Variants in GABRG3 observed in about 807,000 individuals in gnomAD.
GABRG3 encodes gamma-aminobutyric acid type A receptor subunit gamma3.
GABRG3 carries 25 observed loss-of-function variants against 48.8 expected under a neutral mutation model. The ratio of observed to expected loss-of-function variants is 0.51; its 90% confidence interval spans 0.37 to 0.72. The LOEUF (loss-of-function observed/expected upper bound fraction) is 0.72, where lower values mean the gene tolerates loss of function less well. GABRG3 is among the 30% of genes least tolerant of loss of function. The pLI is 0.00. For synonymous variants in GABRG3, 227 were observed against 217.6 expected (o/e 1.04, Z -0.38); for missense variants, 394 against 577.9 (o/e 0.68, Z 3.26).
intron 3 of GABRG3, among the ~76,000 whole-genome samples, chr15:27,281,153 T>C (rs1418872844): frequency 6.6e-6 from 1 of 152,192 alleles, no homozygotes; most frequent in Non-Finnish European, 1.5e-5. Context: ...GCTTGCATGA[T>C]ATATCCTTAT....
intron 5 of GABRG3, among the ~76,000 whole-genome samples, chr15:27,342,053 G>A (rs981192162): frequency 2.6e-5 from 4 of 152,162 alleles, no homozygotes; most frequent in African/African-American, 9.7e-5. Flanking sequence ...AAATGCCAGC[G>A]AGTGAAGCTC....
At chr15:27,276,411 T>C (rs1891256241) in intron 3 of GABRG3, among the ~76,000 whole-genome samples, 1 of 152,198 alleles carries the variant, frequency 6.6e-6, no homozygotes, top group Admixed American at 6.5e-5. Context: ...TTTCCCAGGC[T>C]GTTGGCTGCA....
intron 3 of GABRG3, among the ~76,000 whole-genome samples, chr15:27,041,275 C>T (rs1896272276): frequency 6.6e-6 from 1 of 152,138 alleles, no homozygotes; most frequent in South Asian, 2.1e-4. Flanking sequence ...CTCCTCCTCC[C>T]AGACTCAAGC....
At chr15:27,501,598 G>C (rs1314419569) in intron 6 of GABRG3, among the ~76,000 whole-genome samples, 3 of 152,102 alleles carry the variant, frequency 2.0e-5, no homozygotes, top group Non-Finnish European at 4.4e-5. Flanking sequence ...TCACTCTTGA[G>C]TTGAATGGAT....
At chr15:27,148,721 C>T (rs1483696543) in intron 3 of GABRG3, among the ~76,000 whole-genome samples, 1 of 152,068 alleles carries the variant, frequency 6.6e-6, no homozygotes, top group African/African-American at 2.4e-5. Flanking sequence ...ATGTAATACT[C>T]TGTATTCATA....
intron 2 of GABRG3, among the ~76,000 whole-genome samples, chr15:26,993,189 T>G (rs1895278461): frequency 6.6e-6 from 1 of 152,072 alleles, no homozygotes; most frequent in Non-Finnish European, 1.5e-5. Flanking sequence ...TTGCATTATT[T>G]TCACTTCAAA....
intron 5 of GABRG3, among the ~76,000 whole-genome samples, chr15:27,361,437 G>A (rs984249679): frequency 6.6e-6 from 1 of 152,214 alleles, no homozygotes; most frequent in African/African-American, 2.4e-5. Context: ...CTGCCTTGGT[G>A]TTCTCCTCAA....
At chr15:27,107,691 A>C (rs371978010) in intron 3 of GABRG3, among the ~76,000 whole-genome samples, 6 of 151,988 alleles carry the variant, frequency 3.9e-5, no homozygotes, top group African/African-American at 1.4e-4. Flanking sequence ...TTCTCTATGG[A>C]TGGCATTTAA....
At chr15:27,115,518 A>G (rs1047837965) in intron 3 of GABRG3, among the ~76,000 whole-genome samples, 1 of 152,150 alleles carries the variant, frequency 6.6e-6, no homozygotes, top group African/African-American at 2.4e-5. Context: ...CAATGCTGAA[A>G]AGTTGGTACG....
chr15:27,340,997 C>G, intron 5 of GABRG3: 1 of 513,216 alleles, frequency 1.9e-6, no homozygotes. Flanking sequence ...GAAAGAAGGG[C>G]AAGATGGCTG....
intron 6 of GABRG3, among the ~76,000 whole-genome samples, chr15:27,517,751 A>C (rs1490658453): frequency 6.6e-6 from 1 of 152,210 alleles, no homozygotes; most frequent in Non-Finnish European, 1.5e-5. Context: ...GACATTAAGA[A>C]TCACACATAA....
At chr15:27,226,851 G>C (rs754897620) in intron 3 of GABRG3, among the ~76,000 whole-genome samples, 3 of 152,146 alleles carry the variant, frequency 2.0e-5, no homozygotes, top group Non-Finnish European at 4.4e-5. Flanking sequence ...TTTACTCTCT[G>C]GAACAAATGA....
chr15:27,438,632 A>G (rs1888689619), intron 5 of GABRG3, among the ~76,000 whole-genome samples: 1 of 152,170 alleles, frequency 6.6e-6, no homozygotes, highest in Non-Finnish European at 1.5e-5. Context: ...GACTGCAGGG[A>G]GCCCGCCTCC....
At position 27,352,478 on chromosome 15, in the gene GABRG3, C is replaced by G. The variant is rs947187995; in HGVS notation, c.574+23590C>G. ...CAGATTGATAGTCTTCTAATTAGTACGAAAAAGATTCGAGAATTGGATCCT... is the reference window on the plus strand; with the variant it reads ...CAGATTGATAGTCTTCTAATTAGTAGGAAAAAGATTCGAGAATTGGATCCT... On this transcript the variant is annotated intron_variant, in intron 5 of 9. Transcript: ENST00000615808. The surrounding 1 kb of genome is among the most constrained non-coding windows in gnomAD (Gnocchi z 4.0). 6.6e-6 allele frequency among the ~76,000 whole-genome samples: 1 copy of G among 151,938 alleles called. No homozygotes were observed. The highest frequency in any genetic ancestry group is 1.5e-5 in the Non-Finnish European group (1 of 67,980).
chr15:27,409,885 T>TTTTC (rs1230417555), intron 5 of GABRG3, among the ~76,000 whole-genome samples: 1 of 152,094 alleles, frequency 6.6e-6, no homozygotes, highest in African/African-American at 2.4e-5. Context: ...TTAGAGAGTG[T>TTTTC]TTTCTTTCTT....
intron 5 of GABRG3, among the ~76,000 whole-genome samples, chr15:27,402,885 T>A (rs1887515390): frequency 6.7e-6 from 1 of 149,394 alleles, no homozygotes; most frequent in Non-Finnish European, 1.5e-5. Flanking sequence ...CACTTGCTCT[T>A]TTTTTTCTAT....
At chr15:27,496,947 A>C (rs1890501855) in intron 6 of GABRG3, among the ~76,000 whole-genome samples, 2 of 152,108 alleles carry the variant, frequency 1.3e-5, no homozygotes, top group East Asian at 3.9e-4. Context: ...GTTCTGTGAA[A>C]ATTTTATGCT....
At chr15:27,465,453 A>C (rs1247991340) in intron 5 of GABRG3, among the ~76,000 whole-genome samples, 1 of 152,212 alleles carries the variant, frequency 6.6e-6, no homozygotes, top group Non-Finnish European at 1.5e-5. Flanking sequence ...CCCACAATGC[A>C]GCATCCGTTC....
At chr15:27,351,795 GTATA>G (rs1423095188) in intron 5 of GABRG3, among the ~76,000 whole-genome samples, 1 of 150,238 alleles carries the variant, frequency 6.7e-6, no homozygotes, top group African/African-American at 2.5e-5. Context: ...TATGGTGTCT[GTATA>G]TATGATGTGT....
Sources: allele counts gnomAD v4.1 joint callset (sites outside exome capture counted in the v4.1 genomes callset), GRCh38; gene constraint gnomAD v4.1.1; non-coding constraint Gnocchi (gnomAD v3.1); transcripts MANE v1.5; gene names NCBI Gene and HGNC (gene_info 2026-07-23, HGNC 2026-07-21).